Variants in PIK3C2G observed in about 807,000 individuals in gnomAD.
PIK3C2G encodes phosphatidylinositol-4-phosphate 3-kinase catalytic subunit type 2 gamma.
A neutral mutation model predicts 181.1 loss-of-function variants in PIK3C2G; 168 were observed. The ratio of observed to expected loss-of-function variants is 0.93; its 90% confidence interval spans 0.82 to 1.05. The LOEUF (loss-of-function observed/expected upper bound fraction) is 1.05. Among genes scored for constraint, PIK3C2G ranks in the 50% least tolerant of loss-of-function variants. PIK3C2G has a pLI of 0.00. For missense variants in PIK3C2G, 1,869 were observed against 1,732.8 expected (o/e 1.08, Z -1.40); for synonymous variants, 573 against 592.2 (o/e 0.97, Z 0.47).
chr12:18,369,451 T>C lies in PIK3C2G; in HGVS notation c.1749-1729T>C, dbSNP rs934736125. Among the ~76,000 whole-genome samples, 11 of 151,328 alleles carry C rather than the reference T, an allele frequency of 7.3e-5. 2 individuals carry two copies. Among genetic ancestry groups the C allele is most frequent in the African/African-American group, 2.2e-4 (9 of 41,132 alleles). On this transcript the variant is annotated intron_variant, in intron 12 of 32. Coordinates refer to ENST00000538779, the MANE Select transcript of PIK3C2G (RefSeq NM_001288772.2). Reference sequence around the variant, plus strand: ...TTGACATATGATCATATAACGATCGTATAATTGACATATGATCATATAACG... The same window carrying C: ...TTGACATATGATCATATAACGATCGCATAATTGACATATGATCATATAACG...
At chr12:18,311,711 C>G (rs1360733373) in intron 5 of PIK3C2G, among the ~76,000 whole-genome samples, 1 of 151,672 alleles carries the variant, frequency 6.6e-6, no homozygotes, top group African/African-American at 2.4e-5. Context: ...TTTATAGATA[C>G]TAGATGTATT....
intron 10 of PIK3C2G, among the ~76,000 whole-genome samples, 199 bp downstream of exon 10, chr12:18,343,559 G>A (rs1329641011): frequency 1.3e-5 from 2 of 151,508 alleles, no homozygotes; most frequent in African/African-American, 4.9e-5. Context: ...TATTCTGCAA[G>A]GGAATAAAAA....
chr12:18,589,270 A>T (rs1367931785), intron 29 of PIK3C2G, among the ~76,000 whole-genome samples: 2 of 151,996 alleles, frequency 1.3e-5, no homozygotes, highest in South Asian at 2.1e-4. Context: ...TTTTAAAATT[A>T]AAAAAAGGAA....
At chr12:18,414,184 A>T (rs1205988218) in intron 16 of PIK3C2G, among the ~76,000 whole-genome samples, 1 of 152,162 alleles carries the variant, frequency 6.6e-6, no homozygotes, top group Non-Finnish European at 1.5e-5. Flanking sequence ...TTAAAAGGGC[A>T]TATGATTTGA....
intron 18 of PIK3C2G, among the ~76,000 whole-genome samples, chr12:18,475,373 A>ACCAC: frequency 7.1e-6 from 1 of 139,932 alleles, no homozygotes; most frequent in South Asian, 2.4e-4. Context: ...CCACCACCCC[A>ACCAC]ACACACACAC....
the PIK3C2G span, chr12:18,719,384 C>T: frequency 1.7e-6 from 2 of 1,169,038 alleles, no homozygotes; most frequent in African/African-American, 1.6e-5. Context: ...CTGCCAGGAA[C>T]TTCCAAGTAT....
At chr12:18,276,482 A>G (rs1948991716) in intron 1 of PIK3C2G, among the ~76,000 whole-genome samples, 1 of 152,200 alleles carries the variant, frequency 6.6e-6, no homozygotes. Context: ...GCACAAAATT[A>G]TCTTTGACAT....
chr12:18,396,579 G>A (rs989766050), intron 15 of PIK3C2G, among the ~76,000 whole-genome samples: 10 of 151,542 alleles, frequency 6.6e-5, no homozygotes, highest in Non-Finnish European at 1.3e-4. Flanking sequence ...TTTTTACATA[G>A]CATGATTATG....
At chr12:18,501,850 A>G (rs1456754007) in intron 22 of PIK3C2G, among the ~76,000 whole-genome samples, 2 of 152,206 alleles carry the variant, frequency 1.3e-5, no homozygotes, top group Non-Finnish European at 2.9e-5. Context: ...AAAGTATCCA[A>G]AAAGGTGGAA....
At chr12:18,681,279 C>A in the PIK3C2G span, among the ~76,000 whole-genome samples, 1 of 152,000 alleles carries the variant, frequency 6.6e-6, no homozygotes, top group Admixed American at 6.6e-5. Flanking sequence ...TCTAGCAGAA[C>A]ACGGATGGCT....
intron 8 of PIK3C2G, among the ~76,000 whole-genome samples, chr12:18,326,390 A>G (rs1279832860): frequency 6.6e-6 from 1 of 152,220 alleles, no homozygotes; most frequent in Non-Finnish European, 1.5e-5. Context: ...TTTCTGTTAA[A>G]TAATTGATTC....
chr12:18,492,246 A>C (rs1940637044), intron 20 of PIK3C2G, among the ~76,000 whole-genome samples: 1 of 152,208 alleles, frequency 6.6e-6, no homozygotes, highest in Admixed American at 6.5e-5. Context: ...TGAATATGTT[A>C]GATTTAAAAG....
At chr12:18,336,493 A>C (rs1041387504) in intron 8 of PIK3C2G, among the ~76,000 whole-genome samples, 2 of 152,192 alleles carry the variant, frequency 1.3e-5, no homozygotes, top group African/African-American at 4.8e-5. Flanking sequence ...AGTTTGGATA[A>C]TATACATTGA....
chr12:18,516,446 T>C (rs1291135616), intron 24 of PIK3C2G, among the ~76,000 whole-genome samples: 2 of 152,176 alleles, frequency 1.3e-5, no homozygotes, highest in Admixed American at 6.6e-5. Flanking sequence ...TTATAATGTG[T>C]CTTGGGGAAT....
At chr12:18,683,420 A>G in the PIK3C2G span, 2 of 1,456,622 alleles carry the variant, frequency 1.4e-6, no homozygotes, top group African/African-American at 2.8e-5. Context: ...TACTAAGCCT[A>G]CATTAAAAAC....
chr12:18,693,999 G>A, the PIK3C2G span: 1 of 1,486,716 alleles, frequency 6.7e-7, no homozygotes, highest in Admixed American at 1.7e-5. Flanking sequence ...ATGGCCTTAA[G>A]AGAACGTAGA....
At chr12:18,423,418 T>G (rs1290459646) in intron 17 of PIK3C2G, among the ~76,000 whole-genome samples, 2 of 152,048 alleles carry the variant, frequency 1.3e-5, no homozygotes, top group African/African-American at 2.4e-5. Context: ...CAGTTGAGTA[T>G]CCTAAAAAAC....
chr12:18,663,831 A>G, the PIK3C2G span, among the ~76,000 whole-genome samples: 3 of 152,166 alleles, frequency 2.0e-5, no homozygotes, highest in African/African-American at 7.2e-5. Context: ...GGAAGAAAAT[A>G]TTAGCAAATC....
intron 24 of PIK3C2G, among the ~76,000 whole-genome samples, chr12:18,537,748 A>AT (rs911409952): frequency 2.6e-5 from 4 of 151,828 alleles, no homozygotes; most frequent in East Asian, 1.9e-4. Context: ...ATACAAGGAA[A>AT]TTTTTTTTAA....
Sources: allele counts gnomAD v4.1 joint callset (sites outside exome capture counted in the v4.1 genomes callset), GRCh38; gene constraint gnomAD v4.1.1; transcripts MANE v1.5; gene names NCBI Gene and HGNC (gene_info 2026-07-23, HGNC 2026-07-21).